PALM2AKAP2: variants seen among roughly 807,000 people sequenced by gnomAD.
The protein encoded by PALM2AKAP2 is PALM2 and AKAP2 fusion.
A neutral mutation model predicts 71.5 loss-of-function variants in PALM2AKAP2; 37 were observed. That is an observed-to-expected ratio of 0.52 (90% CI 0.40 to 0.68). PALM2AKAP2 has a LOEUF of 0.68. PALM2AKAP2 is among the 30% of genes least tolerant of loss of function. PALM2AKAP2 has a pLI of 0.00. For synonymous variants in PALM2AKAP2, 468 were observed against 478.8 expected, an observed-to-expected ratio of 0.98 and a Z score of 0.29; for missense variants, 1,224 against 1,191.8, an observed-to-expected ratio of 1.03 and a Z score of -0.40.
At chr9:110,122,300 G>T (rs973749391) in intron 1 of PALM2AKAP2, among the ~76,000 whole-genome samples, 1 of 152,220 alleles carries the variant, frequency 6.6e-6, no homozygotes, top group Non-Finnish European at 1.5e-5. Context: ...CCAGCACTGG[G>T]ATTTTACAGG....
At chr9:110,032,819 T>G (rs539250921) in intron 7 of PALM2AKAP2, among the ~76,000 whole-genome samples, 1 of 151,512 alleles carries the variant, frequency 6.6e-6, no homozygotes, top group African/African-American at 2.4e-5. Context: ...GCGCATGTCG[T>G]CTCAGCTACT....
At chr9:109,934,916 CT>C (rs1347843356) in intron 6 of PALM2AKAP2, among the ~76,000 whole-genome samples, 1 of 152,198 alleles carries the variant, frequency 6.6e-6, no homozygotes, top group East Asian at 1.9e-4. Context: ...ATGCACTTTT[CT>C]GTCCTTTGTA....
At chr9:109,802,682 T>C (rs73655508) in intron 1 of PALM2AKAP2, among the ~76,000 whole-genome samples, 2,340 of 152,274 alleles carry the variant, frequency 0.015, 51 homozygotes, top group African/African-American at 0.054. Context: ...TTAACTGCCT[T>C]TGTCTGGAAG....
intron 2 of PALM2AKAP2, among the ~76,000 whole-genome samples, chr9:109,880,146 T>A (rs978623279): frequency 5.3e-5 from 8 of 152,368 alleles, no homozygotes; most frequent in African/African-American, 1.4e-4. Flanking sequence ...GGAAGTTTTT[T>A]AATTAAATTA....
chr9:109,916,993 A>T (rs1830708540), intron 3 of PALM2AKAP2, among the ~76,000 whole-genome samples: 1 of 152,242 alleles, frequency 6.6e-6, no homozygotes, highest in African/African-American at 2.4e-5. Flanking sequence ...AAAATTACAG[A>T]TGGAATTAGA....
At chr9:109,756,584 C>T (rs980112652) in intron 1 of PALM2AKAP2, among the ~76,000 whole-genome samples, 5 of 152,156 alleles carry the variant, frequency 3.3e-5, no homozygotes, top group Admixed American at 3.3e-4. Context: ...ACTTTTCACC[C>T]TGAAATTAGG....
At chr9:109,866,411 C>T (rs1435944217) in intron 1 of PALM2AKAP2, among the ~76,000 whole-genome samples, 1 of 152,142 alleles carries the variant, frequency 6.6e-6, no homozygotes, top group Non-Finnish European at 1.5e-5. Context: ...CTCCTGTACG[C>T]TTTGGAAACA....
chr9:110,088,444 G>A (rs1744419722), intron 1 of PALM2AKAP2, among the ~76,000 whole-genome samples: 1 of 152,206 alleles, frequency 6.6e-6, no homozygotes, highest in South Asian at 2.1e-4. Context: ...TGGGAAGGGA[G>A]CAATCAGACA....
At chr9:110,122,618 G>A (rs527370694) in intron 1 of PALM2AKAP2, among the ~76,000 whole-genome samples, 12 of 152,216 alleles carry the variant, frequency 7.9e-5, no homozygotes, top group Non-Finnish European at 1.8e-4. Flanking sequence ...CACAGTAGGA[G>A]CACCATAGAT....
chr9:109,728,147 T>C (rs917997743), intron 1 of PALM2AKAP2, among the ~76,000 whole-genome samples: 10 of 152,256 alleles, frequency 6.6e-5, no homozygotes, highest in Admixed American at 2.6e-4. Flanking sequence ...GCAGATTGGA[T>C]AGCTTAGAAT....
At chr9:110,169,920 T>C (rs1453512292) in exon 4 of PALM2AKAP2, 1 of 152,608 alleles carries the variant, frequency 6.6e-6, no homozygotes, top group African/African-American at 2.4e-5. Context: ...TGAGAATTTC[T>C]TTTTTATGAA....
chr9:110,133,714 C>T (rs1015098225), intron 1 of PALM2AKAP2, among the ~76,000 whole-genome samples: 8 of 151,896 alleles, frequency 5.3e-5, no homozygotes, highest in Admixed American at 2.6e-4. Context: ...CTCTGTTGTT[C>T]CCATGCAGAA....
intron 1 of PALM2AKAP2, among the ~76,000 whole-genome samples, chr9:109,645,631 C>G (rs1244896741): frequency 6.6e-6 from 1 of 151,532 alleles, no homozygotes; most frequent in Non-Finnish European, 1.5e-5. Flanking sequence ...TGCCATTATC[C>G]TAAATGAGCT....
intron 1 of PALM2AKAP2, among the ~76,000 whole-genome samples, chr9:110,082,684 G>T (rs1002953725): frequency 2.0e-5 from 3 of 152,080 alleles, no homozygotes; most frequent in African/African-American, 4.8e-5. Flanking sequence ...TTTTGGTTTT[G>T]GTTTTGTGGT....
intron 1 of PALM2AKAP2, among the ~76,000 whole-genome samples, chr9:109,674,320 A>G (rs1827618034): frequency 6.6e-6 from 1 of 152,002 alleles, no homozygotes; most frequent in Non-Finnish European, 1.5e-5. Context: ...AGTCATCTGT[A>G]AGTCTGTTTC....
At chr9:109,818,834 C>G (rs1354620460) in intron 1 of PALM2AKAP2, among the ~76,000 whole-genome samples, 1 of 152,114 alleles carries the variant, frequency 6.6e-6, no homozygotes, top group Admixed American at 6.5e-5. Context: ...AAAACTTGAG[C>G]TTTTATGTTG....
intron 2 of PALM2AKAP2, among the ~76,000 whole-genome samples, chr9:110,143,825 C>T (rs897010820): frequency 3.3e-5 from 5 of 152,162 alleles, no homozygotes; most frequent in African/African-American, 1.2e-4. Context: ...GTGTAGTTTG[C>T]TATTAAGTTC....
intron 1 of PALM2AKAP2, among the ~76,000 whole-genome samples, chr9:109,789,832 A>G (rs1258813415): frequency 6.6e-6 from 1 of 152,228 alleles, no homozygotes; most frequent in Non-Finnish European, 1.5e-5. Context: ...GTTAATTATT[A>G]TCTCAGTATT....
At chr9:110,127,542 G>GCCTCT (rs1554754626) in intron 1 of PALM2AKAP2, 1 of 152,234 alleles carries the variant, frequency 6.6e-6, no homozygotes, top group African/African-American at 2.4e-5. Flanking sequence ...ATCACCCGGG[G>GCCTCT]CCTCTCCTCT....
Sources: allele counts gnomAD v4.1 joint callset (sites outside exome capture counted in the v4.1 genomes callset), GRCh38; gene constraint gnomAD v4.1.1; transcripts MANE v1.5; gene names NCBI Gene and HGNC (gene_info 2026-07-23, HGNC 2026-07-21).